The following EYS variants were observed in gnomAD, a reference collection of about 807,000 sequenced individuals.
EYS encodes the protein protein eyes shut homolog.
In EYS, 250 loss-of-function variants were observed where a neutral mutation model predicts 282.1. That is an observed-to-expected ratio of 0.89 (90% CI 0.80 to 0.98). The LOEUF is 0.98. Ranked by LOEUF, EYS falls within the 50% of genes least tolerant of loss-of-function variation. The probability of loss-of-function intolerance (pLI) is 0.00; values close to 1 mark genes in which losing one functional copy is unlikely to be tolerated. For synonymous variants in EYS, 1,355 were observed against 1,282.9 expected (o/e 1.06, Z -1.20); for missense variants, 4,016 against 3,709.0 (o/e 1.08, Z -2.15).
At chr6:64,723,879 A>G (rs2149945734) in intron 22 of EYS, among the ~76,000 whole-genome samples, 1 of 152,210 alleles carries the variant, frequency 6.6e-6, no homozygotes, top group African/African-American at 2.4e-5. Flanking sequence ...TCATCACTGC[A>G]CTGTGCCTAG....
At chr6:63,880,525 A>ATCTATCTG (rs1371469990) in intron 35 of EYS, among the ~76,000 whole-genome samples, 39 of 151,820 alleles carry the variant, frequency 2.6e-4, no homozygotes, top group African/African-American at 9.2e-4. Flanking sequence ...CTATCTATCT[A>ATCTATCTG]TCTATTCTGT....
At chr6:65,616,176 CAT>C (rs529728705) in intron 2 of EYS, among the ~76,000 whole-genome samples, 94 of 152,138 alleles carry the variant, frequency 6.2e-4, no homozygotes, top group African/African-American at 1.7e-3. Flanking sequence ...TTTTATTCCA[CAT>C]GTTTTACTCA....
intron 11 of EYS, among the ~76,000 whole-genome samples, chr6:65,323,597 A>G (rs1769537056): frequency 7.5e-6 from 1 of 132,818 alleles, no homozygotes; most frequent in Admixed American, 7.9e-5. Context: ...TGTTACCTTC[A>G]TGTTACTGAT....
At chr6:65,668,278 T>C (rs1768267745) in intron 1 of EYS, among the ~76,000 whole-genome samples, 1 of 151,868 alleles carries the variant, frequency 6.6e-6, no homozygotes. Context: ...CTAAAATCAA[T>C]TCATTTAAAG....
chr6:64,411,896 T>C (rs72887697), intron 28 of EYS, among the ~76,000 whole-genome samples: 8,933 of 105,488 alleles, frequency 0.085, 465 homozygotes, highest in Middle Eastern at 0.23. Context: ...TACACATATA[T>C]ATGTATATAT....
chr6:65,688,071 G>A (rs1211513173), intron 1 of EYS, among the ~76,000 whole-genome samples: 3 of 151,510 alleles, frequency 2.0e-5, no homozygotes, highest in Admixed American at 6.6e-5. Flanking sequence ...CACAGAATTG[G>A]AAAAAAAATA....
At chr6:64,614,386 A>G (rs1265851899) in intron 24 of EYS, among the ~76,000 whole-genome samples, 3 of 152,104 alleles carry the variant, frequency 2.0e-5, no homozygotes, top group Non-Finnish European at 4.4e-5. Context: ...AAATTACAAG[A>G]CACACTAAAA....
intron 34 of EYS, among the ~76,000 whole-genome samples, chr6:63,991,779 T>TAA (rs755080788): frequency 1.2e-4 from 18 of 151,586 alleles, no homozygotes; most frequent in Admixed American, 4.0e-4. Context: ...GAAATGAACC[T>TAA]AAAAAAGTCC....
chr6:63,774,554 C>A (rs183475528), intron 40 of EYS, among the ~76,000 whole-genome samples: 93 of 152,222 alleles, frequency 6.1e-4, no homozygotes, highest in Non-Finnish European at 1.1e-3. Flanking sequence ...TGGTTAGTAA[C>A]AATGTCTTGT....
intron 26 of EYS, among the ~76,000 whole-genome samples, chr6:64,481,694 A>G (rs1374870664): frequency 2.2e-5 from 3 of 135,670 alleles, no homozygotes; most frequent in African/African-American, 7.8e-5. Context: ...AGAGGCCTGA[A>G]TTAATGTGAT....
intron 29 of EYS, among the ~76,000 whole-genome samples, chr6:64,387,075 T>C (rs1450187752): frequency 6.6e-6 from 1 of 152,140 alleles, no homozygotes; most frequent in Non-Finnish European, 1.5e-5. Flanking sequence ...CAAAATCAAG[T>C]GTTCTTTCTG....
intron 12 of EYS, among the ~76,000 whole-genome samples, chr6:65,117,078 A>C (rs907133062): frequency 6.6e-6 from 1 of 152,206 alleles, no homozygotes; most frequent in African/African-American, 2.4e-5. Context: ...AATCACTTTC[A>C]GGAAACATTT....
intron 14 of EYS, among the ~76,000 whole-genome samples, chr6:64,990,004 G>A (rs753108165): frequency 1.1e-4 from 17 of 151,100 alleles, no homozygotes; most frequent in African/African-American, 2.9e-4. Flanking sequence ...AAATGTACAG[G>A]CATACTTGCA....
chr6:65,188,763 G>C, intron 12 of EYS, among the ~76,000 whole-genome samples: 1 of 62,804 alleles, frequency 1.6e-5, no homozygotes, highest in African/African-American at 7.4e-5. Context: ...TTTATTGCAT[G>C]CAAAAAAAAA....
chr6:65,268,380 T>C (rs1056409632), intron 12 of EYS, among the ~76,000 whole-genome samples: 1 of 152,054 alleles, frequency 6.6e-6, no homozygotes, highest in Non-Finnish European at 1.5e-5. Flanking sequence ...TATTATGTAT[T>C]TCAATATCAT....
At chr6:65,519,702 ATATATATTTT>A (rs1447582911) in intron 2 of EYS, among the ~76,000 whole-genome samples, 19 of 36,734 alleles carry the variant, frequency 5.2e-4, no homozygotes, top group African/African-American at 2.9e-3. Flanking sequence ...ATATATATAT[ATATATATTTT>A]TTTTTTTTTT....
intron 22 of EYS, among the ~76,000 whole-genome samples, chr6:64,735,142 G>C (rs777069256): frequency 1.3e-5 from 2 of 152,024 alleles, no homozygotes. Context: ...GTAGTGCAGC[G>C]GTGCAATCTC....
chr6:64,617,006 C>G (rs1418991331), intron 24 of EYS, among the ~76,000 whole-genome samples: 1 of 152,040 alleles, frequency 6.6e-6, no homozygotes, highest in Non-Finnish European at 1.5e-5. Context: ...GAAGCAGATC[C>G]GTCCTCCTCG....
intron 31 of EYS, among the ~76,000 whole-genome samples, chr6:64,082,575 GA>G (rs1481263446): frequency 8.6e-5 from 13 of 152,038 alleles, no homozygotes; most frequent in South Asian, 4.2e-4. Context: ...TCAATAAAGT[GA>G]AAAAAATTCT....
Sources: allele counts gnomAD v4.1 joint callset (sites outside exome capture counted in the v4.1 genomes callset), GRCh38; gene constraint gnomAD v4.1.1; transcripts MANE v1.5; gene names NCBI Gene and HGNC (gene_info 2026-07-23, HGNC 2026-07-21).